The following NFAM1 variants were observed in gnomAD, a reference collection of about 807,000 sequenced individuals.
NFAM1 encodes NFAT activation molecule 1.
Under a neutral mutation model 29.0 loss-of-function variants are expected in NFAM1, and 17 were observed. The observed-to-expected ratio is 0.59, with a 90% confidence interval of 0.40 to 0.88. The LOEUF (loss-of-function observed/expected upper bound fraction) is 0.88, where lower values mean the gene tolerates loss of function less well. NFAM1 is among the 40% of genes least tolerant of loss of function. NFAM1 has a pLI of 0.00. For synonymous variants in NFAM1, 175 were observed against 147.2 expected, an observed-to-expected ratio of 1.19 and a Z score of -1.36; for missense variants, 324 against 344.6, an observed-to-expected ratio of 0.94 and a Z score of 0.47.
intron 1 of NFAM1, among the ~76,000 whole-genome samples, chr22:42,413,650 G>C (rs952012633): frequency 3.3e-5 from 5 of 152,060 alleles, no homozygotes; most frequent in African/African-American, 1.2e-4. Context: ...CAGGAGCCGC[G>C]GTGGCTCAGG....
chr22:42,408,337 T>A (rs80352672), intron 3 of NFAM1, among the ~76,000 whole-genome samples: 4,410 of 152,260 alleles, frequency 0.029, 218 homozygotes, highest in African/African-American at 0.1. Context: ...TGGGTGTGGG[T>A]AGGGTCTTGG....
In NFAM1 at chr22:42,419,957, C is replaced by T. The variant is rs116467972; in HGVS notation, c.122-8221G>A. On this transcript the variant is annotated intron_variant, in intron 1 of 5. Transcript: ENST00000329021. The surrounding 1 kb of genome is among the most constrained non-coding windows in gnomAD (Gnocchi z 4.5). ...GCAGTGGTAGACATGGGATTTTAAG[C>T]TGGGTCCCTTTGAGTCTGTAATCCC... is the stretch of plus-strand genomic sequence containing the variant. Among the ~76,000 whole-genome samples, 804 of 133,418 alleles carry T rather than the reference C, an allele frequency of 6.0e-3. 22 individuals carry two copies. Among genetic ancestry groups the T allele is most frequent in the African/African-American group, 0.021 (749 of 35,240 alleles). The allele number at this position is 133,418 out of a possible 152,430, so 87.5% of individuals were successfully genotyped here.
chr22:42,411,294 G>A, intron 2 of NFAM1, 113 bp downstream of exon 2: 2 of 797,492 alleles, frequency 2.5e-6, no homozygotes, highest in South Asian at 1.7e-5. Flanking sequence ...AAAGTGCTGG[G>A]ATGTGTGAGC....
intron 1 of NFAM1, among the ~76,000 whole-genome samples, chr22:42,424,852 T>C (rs1930571098): frequency 6.6e-6 from 1 of 152,054 alleles, no homozygotes; most frequent in Admixed American, 6.6e-5. Context: ...ATGATCATCT[T>C]CCTTCCTTCC....
At position 42,419,243 on chromosome 22, in the gene NFAM1, T is replaced by C. The variant is rs1455093329; in HGVS notation, c.122-7507A>G. 6.6e-6 allele frequency among the ~76,000 whole-genome samples: 1 copy of C among 151,612 alleles called. No homozygotes were observed. The highest frequency in any genetic ancestry group is 1.5e-5 in the Non-Finnish European group (1 of 67,882). On this transcript the variant is annotated intron_variant, in intron 1 of 5. Transcript: ENST00000329021. This position sits in a 1 kb window ranked among gnomAD's most constrained non-coding sequence, Gnocchi z 4.5. ...CTCCAACTCAACAGCTCCCATCCAG[T>C]CCCCTCTCCTGCCCAACCAGGGCTG...
intron 1 of NFAM1, among the ~76,000 whole-genome samples, chr22:42,418,688 G>GTT (rs555827191): frequency 1.4e-5 from 2 of 144,914 alleles, no homozygotes; most frequent in African/African-American, 5.0e-5. Flanking sequence ...AGCTATCTCT[G>GTT]TTTTTTTTTT....
chr22:42,428,015 C>T (rs1305188936), intron 1 of NFAM1, among the ~76,000 whole-genome samples: 4 of 152,100 alleles, frequency 2.6e-5, no homozygotes, highest in African/African-American at 4.8e-5. Context: ...CCACGCAGCA[C>T]TGCGGTTTTT....
intron 1 of NFAM1, among the ~76,000 whole-genome samples, chr22:42,424,115 TA>T (rs945517998): frequency 1.3e-4 from 19 of 147,232 alleles, no homozygotes; most frequent in Non-Finnish European, 2.5e-4. Flanking sequence ...CCCATCTCTT[TA>T]AAAAAAAACA....
Position 42,432,358 on chromosome 22 carries a change from C to G in NFAM1, c.-1G>C. 1 of 1,568,130 alleles carries G rather than the reference C, an allele frequency of 6.4e-7. No homozygotes were observed. Among genetic ancestry groups the G allele is most frequent in the Non-Finnish European group, 8.6e-7 (1 of 1,159,148 alleles). On this transcript the variant is annotated 5_prime_UTR_variant, in exon 1 of 6. Transcript: ENST00000329021. ...GCCACCTCACAGGCTGGTTCTCCATCTGGGGGCCTGCTTGTCTGCGGCGAC... is the reference window on the plus strand; with the variant it reads ...GCCACCTCACAGGCTGGTTCTCCATGTGGGGGCCTGCTTGTCTGCGGCGAC...
intron 5 of NFAM1, among the ~76,000 whole-genome samples, 183 bp downstream of exon 5, chr22:42,386,806 G>C (rs559256199): frequency 6.6e-6 from 1 of 152,320 alleles, no homozygotes; most frequent in Non-Finnish European, 1.5e-5. Context: ...CAGTGGCTAA[G>C]GGACAGAGCA....
chr22:42,437,473 A>T, the NFAM1 span, among the ~76,000 whole-genome samples: 5 of 152,042 alleles, frequency 3.3e-5, no homozygotes, highest in Non-Finnish European at 5.9e-5. Context: ...CACGTCCACC[A>T]TGTGCCAAGG....
rs949686364 is a variant in NFAM1 at position 42,409,766 on chromosome 22, A to G, written c.452-219T>C. The stretch of plus-strand genomic sequence containing the variant: ...TTGCTTCTCTGTAAGGACAGGGGCC[A>G]TTTGCTCTTCCGGTGCCCCTGCCCC... On this transcript the variant is annotated intron_variant, in intron 2 of 5. Coordinates refer to ENST00000329021, the MANE Select transcript of NFAM1 (RefSeq NM_145912.8). This position sits in a 1 kb window ranked among gnomAD's most constrained non-coding sequence, Gnocchi z 4.9. Among the ~76,000 whole-genome samples, 2 of 152,140 alleles carry G rather than the reference A, an allele frequency of 1.3e-5. No individual in the cohort carries two copies. The highest frequency in any genetic ancestry group is 3.9e-4 in the East Asian group (2 of 5,164).
chr22:42,412,234 GAAAA>G (rs899410708), intron 1 of NFAM1, among the ~76,000 whole-genome samples: 8 of 143,280 alleles, frequency 5.6e-5, no homozygotes, highest in African/African-American at 2.0e-4. Context: ...GTCCGTCTCA[GAAAA>G]AAAAAAAAGA....
chr22:42,425,665 C>A (rs2146555466), intron 1 of NFAM1, among the ~76,000 whole-genome samples: 1 of 152,332 alleles, frequency 6.6e-6, no homozygotes, highest in Middle Eastern at 3.4e-3. Context: ...AGGCTTCTGG[C>A]CTTGACCATG....
At chr22:42,421,349 GGGAGGCTGAGGCA>G (rs1016132014) in intron 1 of NFAM1, among the ~76,000 whole-genome samples, 2 of 151,664 alleles carry the variant, frequency 1.3e-5, no homozygotes, top group Non-Finnish European at 2.9e-5. Context: ...CCAGCTACTC[GGGAGGCTGAGGCA>G]GGAACCTGGG....
chr22:42,429,386 T>TG lies in NFAM1; in HGVS notation c.121+2850dup, dbSNP rs548858238. On this transcript the variant is annotated intron_variant, in intron 1 of 5. Transcript: ENST00000329021. ...ATCCCAGCACTTTGGGAGGCCAAGG[T>TG]GGGGGGATCACCTGAGGTCAGGAGT... is the stretch of plus-strand genomic sequence containing the variant. 2.0e-3 allele frequency among the ~76,000 whole-genome samples: 303 copies of TG among 151,310 alleles called. 1 individual carries two copies. The highest frequency in any genetic ancestry group is 5.7e-3 in the African/African-American group (235 of 41,252).
chr22:42,407,894 C>G (rs938220890), intron 3 of NFAM1, among the ~76,000 whole-genome samples: 1 of 147,154 alleles, frequency 6.8e-6, no homozygotes, highest in Non-Finnish European at 1.5e-5. Context: ...ACCTGGCAGA[C>G]AGATTTCTCT....
At chr22:42,395,211 C>T (rs969580480) in intron 4 of NFAM1, among the ~76,000 whole-genome samples, 7 of 151,580 alleles carry the variant, frequency 4.6e-5, no homozygotes, top group African/African-American at 1.2e-4. Flanking sequence ...TGGTGGCTCA[C>T]GCCTGTAATC....
intron 3 of NFAM1, among the ~76,000 whole-genome samples, chr22:42,401,071 G>A (rs1929710972): frequency 6.6e-6 from 1 of 152,186 alleles, no homozygotes; most frequent in Admixed American, 6.5e-5. Context: ...TGGCCTCGAG[G>A]CTCTGTCAGT....
Sources: allele counts gnomAD v4.1 joint callset (sites outside exome capture counted in the v4.1 genomes callset), GRCh38; gene constraint gnomAD v4.1.1; non-coding constraint Gnocchi (gnomAD v3.1); transcripts MANE v1.5; gene names NCBI Gene and HGNC (gene_info 2026-07-23, HGNC 2026-07-21).